UTS2: variants seen among roughly 807,000 people sequenced by gnomAD.
UTS2 encodes the protein urotensin 2, also known as urotensin-2.
In UTS2, 10 loss-of-function variants were observed where a neutral mutation model predicts 12.6. That is an observed-to-expected ratio of 0.80 (90% CI 0.49 to 1.35). The LOEUF is 1.35. Ranked by LOEUF, UTS2 falls within the 40% of genes most tolerant of loss-of-function variation. UTS2 has a pLI of 0.00. For synonymous variants in UTS2, 52 were observed against 50.0 expected (o/e 1.04, Z -0.17); for missense variants, 142 against 143.2 (o/e 0.99, Z 0.04).
the UTS2 span, among the ~76,000 whole-genome samples, chr1:7,912,912 T>C: frequency 5.7e-4 from 87 of 151,938 alleles, no homozygotes; most frequent in African/African-American, 1.8e-3. Flanking sequence ...TATTTTTTTT[T>C]TCTCTCTCTC....
chr1:7,877,929 C>T, the UTS2 span, among the ~76,000 whole-genome samples: 1 of 152,064 alleles, frequency 6.6e-6, no homozygotes, highest in Non-Finnish European at 1.5e-5. Context: ...ATATAAGCAT[C>T]CAGATACCGG....
chr1:7,853,788 A>G (rs924363806), upstream of UTS2, among the ~76,000 whole-genome samples: 12 of 152,242 alleles, frequency 7.9e-5, no homozygotes, highest in Non-Finnish European at 1.3e-4. Flanking sequence ...CCAAGCCCGG[A>G]TGGGTGGAAA....
the UTS2 span, among the ~76,000 whole-genome samples, chr1:7,866,648 G>A: frequency 6.6e-6 from 1 of 152,118 alleles, no homozygotes; most frequent in African/African-American, 2.4e-5. The surrounding 1 kb of genome is among the most constrained non-coding windows in gnomAD (Gnocchi z 4.5). Context: ...CTCCCTGGGA[G>A]CCTAAAGGAG....
At chr1:7,872,494 G>A in the UTS2 span, among the ~76,000 whole-genome samples, 3 of 152,192 alleles carry the variant, frequency 2.0e-5, no homozygotes, top group Admixed American at 6.5e-5. Context: ...TAATGATAAA[G>A]CAAAACAGCC....
chr1:7,891,537 AAAG>A, the UTS2 span, among the ~76,000 whole-genome samples: 1 of 6,658 alleles, frequency 1.5e-4, no homozygotes, highest in Non-Finnish European at 3.1e-4. Flanking sequence ...GAAAGAAAGA[AAAG>A]AAAGAAAGAA....
At chr1:7,876,292 C>T in the UTS2 span, among the ~76,000 whole-genome samples, 1 of 152,220 alleles carries the variant, frequency 6.6e-6, no homozygotes, top group East Asian at 1.9e-4. Flanking sequence ...ACCTTGCCAA[C>T]TACCACCAGC....
At chr1:7,849,564 C>T in intron 3 of UTS2, 76 bp downstream of exon 3, 1 of 1,330,134 alleles carries the variant, frequency 7.5e-7, no homozygotes, top group Non-Finnish European at 1.1e-6. Flanking sequence ...TCCTCTAGTT[C>T]ATGAATTCAG....
chr1:7,908,753 A>C, the UTS2 span, among the ~76,000 whole-genome samples: 2 of 152,096 alleles, frequency 1.3e-5, no homozygotes, highest in Non-Finnish European at 2.9e-5. Flanking sequence ...ACAGTTCCAC[A>C]TGACTGGGGA....
At chr1:7,864,269 G>A in the UTS2 span, among the ~76,000 whole-genome samples, 1 of 152,220 alleles carries the variant, frequency 6.6e-6, no homozygotes, top group Admixed American at 6.5e-5. Flanking sequence ...CTGGCTGGCA[G>A]ATGGTCATCA....
the UTS2 span, among the ~76,000 whole-genome samples, chr1:7,889,937 G>A: frequency 6.6e-6 from 1 of 151,992 alleles, no homozygotes. Context: ...CTTGGTGGCG[G>A]GTGCCTGTGA....
chr1:7,889,140 T>G, the UTS2 span, among the ~76,000 whole-genome samples: 1 of 150,870 alleles, frequency 6.6e-6, no homozygotes, highest in Non-Finnish European at 1.5e-5. Flanking sequence ...AAAGTAGAAT[T>G]TGGCCAGGTG....
chr1:7,890,971 C>CCCCA, the UTS2 span, among the ~76,000 whole-genome samples: 4 of 151,048 alleles, frequency 2.6e-5, no homozygotes, highest in Non-Finnish European at 5.9e-5. Flanking sequence ...CCCTCCACCC[C>CCCCA]CCCCCACAAA....
chr1:7,896,057 T>A, the UTS2 span, among the ~76,000 whole-genome samples: 1 of 152,160 alleles, frequency 6.6e-6, no homozygotes, highest in African/African-American at 2.4e-5. Flanking sequence ...AAATGCCACA[T>A]CTCCCTTTCA....
At chr1:7,860,178 G>A in the UTS2 span, among the ~76,000 whole-genome samples, 148 of 152,298 alleles carry the variant, frequency 9.7e-4, 1 homozygote, top group African/African-American at 3.5e-3. Context: ...TTTATGTTCA[G>A]TGTCAGGTGC....
the UTS2 span, among the ~76,000 whole-genome samples, chr1:7,872,773 C>T: frequency 2.6e-5 from 4 of 152,194 alleles, no homozygotes; most frequent in Non-Finnish European, 1.5e-5. Context: ...TCCAGATGAT[C>T]TAGCTAAGAT....
chr1:7,875,035 G>C, the UTS2 span, among the ~76,000 whole-genome samples: 1 of 149,512 alleles, frequency 6.7e-6, no homozygotes, highest in Non-Finnish European at 1.5e-5. Flanking sequence ...GCCCAGTCTC[G>C]GGTATTTCTT....
chr1:7,885,794 G>T, the UTS2 span, among the ~76,000 whole-genome samples: 2 of 151,722 alleles, frequency 1.3e-5, no homozygotes, highest in Non-Finnish European at 2.9e-5. Context: ...GGACTAGGAC[G>T]ATGTGGGGCA....
At chr1:7,856,327 T>C (rs11582983), upstream of UTS2, among the ~76,000 whole-genome samples, 21,550 of 152,178 alleles carry the variant, frequency 0.14, 1,625 homozygotes, top group Middle Eastern at 0.26. Context: ...GTAGGAATTG[T>C]TTATTGCTAT....
chr1:7,859,317 T>TAG, the UTS2 span, among the ~76,000 whole-genome samples: 1 of 152,266 alleles, frequency 6.6e-6, no homozygotes, highest in East Asian at 1.9e-4. Context: ...TCTAGTCACC[T>TAG]ATATTTCAGA....
Sources: gnomAD v4.1 joint callset for allele counts (sites outside exome capture counted in the v4.1 genomes callset) on GRCh38, gnomAD v4.1.1 for gene constraint, Gnocchi (gnomAD v3.1) non-coding constraint, MANE v1.5 for transcripts, NCBI Gene and HGNC (gene_info 2026-07-23, HGNC 2026-07-21) for gene names.